Variants in ZNF648 observed in about 807,000 individuals in gnomAD.
ZNF648 encodes the protein zinc finger protein 648.
A neutral mutation model predicts 0.3 loss-of-function variants in ZNF648; 1 was observed. The ratio of observed to expected loss-of-function variants is 3.90; its 90% CI spans 1.39 to 18.51. The LOEUF is 18.51. Ranked by LOEUF, ZNF648 falls within the 30% of genes most tolerant of loss-of-function variation. The pLI is 0.11. For missense variants in ZNF648, 874 were observed against 769.7 expected (o/e 1.14, Z -1.60); for synonymous variants, 376 against 326.8 (o/e 1.15, Z -1.62).
At chr1:182,061,032 C>T (rs77719588) in intron 1 of ZNF648, among the ~76,000 whole-genome samples, 2,168 of 152,292 alleles carry the variant, frequency 0.014, 57 homozygotes, top group African/African-American at 0.049. Context: ...CTCTCCAGAG[C>T]CCGTCAGGAG....
At chr1:182,068,884 C>G in the ZNF648 span, among the ~76,000 whole-genome samples, 28 of 135,544 alleles carry the variant, frequency 2.1e-4, no homozygotes, top group Non-Finnish European at 4.0e-4. Context: ...CCACTGCACT[C>G]CAGGCTGGGC....
In ZNF648 at chr1:182,057,620, C is replaced by T. The variant is rs771153275; in HGVS notation, c.391G>A (p.Ala131Thr). The T allele has an allele frequency of 2.5e-6, 4 of 1,614,190 alleles. No individual in the cohort carries two copies. Among genetic ancestry groups the T allele is most frequent in the Non-Finnish European group, 3.4e-6 (4 of 1,180,034 alleles). ...RALGSLPSGL[A>T]HKLLGQMQPL... Reference sequence around the variant, plus strand: ...TGCATCTGACCTAACAATTTGTGTGCGAGACCACTGGGAAGGGAACCCAGA... The same window carrying T: ...TGCATCTGACCTAACAATTTGTGTGTGAGACCACTGGGAAGGGAACCCAGA... The change falls in exon 2 of 2, where the codon GCA becomes ACA. Residue 131 changes from alanine to threonine, a missense_variant. Transcript: ENST00000339948.
rs1292967174 is a variant in ZNF648, at chr1:182,056,336, T to C, written c.1675A>G (p.Lys559Glu). 10 of 1,613,652 alleles carry C rather than the reference T, an allele frequency of 6.2e-6. No homozygotes were observed. Among genetic ancestry groups the C allele is most frequent in the East Asian group, 2.2e-5 (1 of 44,858 alleles). Residue 559 changes from lysine (K) to glutamate (E), a missense_variant, in exon 2 of 2, where the codon AAG (lysine) becomes GAG (glutamate). Physicochemically the swap from Lys to Glu is moderately conservative, Grantham distance 56. Coordinates refer to ENST00000339948, the MANE Select transcript of ZNF648 (RefSeq NM_001009992.1). ...RHRAKHGTCK[K>E]EPIPSSSDE Reference sequence around the variant, plus strand: ...TCAGAGGAGGAAGGGATGGGCTCCTTCTTGCAGGTGCCGTGCTTGGCTCGG... The same window carrying C: ...TCAGAGGAGGAAGGGATGGGCTCCTCCTTGCAGGTGCCGTGCTTGGCTCGG...
upstream of ZNF648, among the ~76,000 whole-genome samples, chr1:182,066,590 C>T (rs1478261693): frequency 2.0e-5 from 3 of 152,180 alleles, no homozygotes. Context: ...CAGAATTGGA[C>T]AGGAACTCAG....
Position 182,055,583 on chromosome 1 carries a change from A to G in ZNF648, c.*721T>C, listed in dbSNP as rs1221141439. 1.3e-5 allele frequency: 2 copies of G among 152,228 alleles called. No homozygotes were observed. The highest frequency in any genetic ancestry group is 1.5e-5 in the Non-Finnish European group (1 of 68,046). 9.4% of individuals were successfully genotyped at this position (152,228 alleles called of 1,614,324 possible). On this transcript the variant is annotated 3_prime_UTR_variant, in exon 2 of 2. Coordinates refer to ENST00000339948, the MANE Select transcript of ZNF648 (RefSeq NM_001009992.1). The surrounding 1 kb of genome is among the most constrained non-coding windows in gnomAD (Gnocchi z 4.1). ...TTAGATCTACTTACTAAATTCCACTATAAAGAGGAATGGGCTTCTTTTTCA... is the reference window on the plus strand; with the variant it reads ...TTAGATCTACTTACTAAATTCCACTGTAAAGAGGAATGGGCTTCTTTTTCA...
Position 182,056,946 on chromosome 1 carries a change from G to T in ZNF648, c.1065C>A (p.Arg355=), listed in dbSNP as rs756661051. 9 of 1,613,010 alleles carry T rather than the reference G, an allele frequency of 5.6e-6. No individual in the cohort carries two copies. Among genetic ancestry groups the T allele is most frequent in the Non-Finnish European group, 7.6e-6 (9 of 1,179,578 alleles). The change falls in exon 2 of 2, where the codon CGC becomes CGA. Residue 355 remains arginine (R), a synonymous_variant. Transcript: ENST00000339948. Reference sequence around the variant, plus strand: ...AGGGCTTATTGTTGCTGTGCATGTTGCGCTGGTGTTTGCGCAGGTCCGAAG... The same window carrying T: ...AGGGCTTATTGTTGCTGTGCATGTTTCGCTGGTGTTTGCGCAGGTCCGAAG... ...VRSSDLRKHQ[R]NMHSNNKPFP... is the part of the protein sequence containing the mutation.
chr1:182,068,107 C>T, the ZNF648 span, among the ~76,000 whole-genome samples: 9 of 152,182 alleles, frequency 5.9e-5, no homozygotes, highest in Non-Finnish European at 1.2e-4. Context: ...GAAAAAGAAC[C>T]CTCTGATCTC....
the ZNF648 span, among the ~76,000 whole-genome samples, chr1:182,067,730 G>A: frequency 5.3e-5 from 8 of 152,238 alleles, no homozygotes; most frequent in African/African-American, 1.7e-4. Context: ...CCCAGGCCGA[G>A]GGAGCATAAG....
chr1:182,067,860 C>T, the ZNF648 span, among the ~76,000 whole-genome samples: 1 of 152,230 alleles, frequency 6.6e-6, no homozygotes, highest in Non-Finnish European at 1.5e-5. Context: ...TCTTGGCCCA[C>T]ACTGACTACC....
upstream of ZNF648, chr1:182,064,731 T>G (rs1571282589): frequency 6.6e-6 from 1 of 151,608 alleles, no homozygotes; most frequent in East Asian, 1.9e-4. Flanking sequence ...ATGGGGAGAG[T>G]AGGTGAACAC....
chr1:182,057,001 C>G lies in ZNF648; in HGVS notation c.1010G>C (p.Cys337Ser). Residue 337 changes from cysteine (C) to serine (S), a missense_variant, in exon 2 of 2, where the codon TGT (cysteine) becomes TCT (serine). Physicochemically the swap from Cys to Ser is moderately radical, Grantham distance 112 (BLOSUM62 -1). Coordinates refer to ENST00000339948, the MANE Select transcript of ZNF648 (RefSeq NM_001009992.1). ...CACGAAGGCCTTCCCGCAGTCTGGA[C>G]ACGGGTAGGGTTTCTCGCCTGTGTG... ...RTHTGEKPYP[C>S]PDCGKAFVRS... 1 of 1,613,754 alleles carries G rather than the reference C, an allele frequency of 6.2e-7. No individual in the cohort carries two copies. Among genetic ancestry groups the G allele is most frequent in the Non-Finnish European group, 8.5e-7 (1 of 1,179,962 alleles).
At chr1:182,068,002 C>T in the ZNF648 span, among the ~76,000 whole-genome samples, 596 of 152,292 alleles carry the variant, frequency 3.9e-3, 6 homozygotes, top group African/African-American at 0.013. Context: ...CTTAGGTTTA[C>T]GTTCTGACTT....
chr1:182,057,047 G>A lies in ZNF648; in HGVS notation c.964C>T (p.His322Tyr), dbSNP rs774162651. 6.2e-7 allele frequency: 1 copy of A among 1,613,488 alleles called. No homozygotes were observed. The highest frequency in any genetic ancestry group is 8.5e-7 in the Non-Finnish European group (1 of 1,179,964). The change falls in exon 2 of 2, where the codon CAC becomes TAC. Residue 322 changes from histidine to tyrosine, a missense_variant. Transcript: ENST00000339948. ...CDKAYTWSSD[H>Y]RKHIRTHTGE... ...GTGTGGGTGCGGATGTGCTTCCGGT[G>A]GTCGGAGGACCAGGTGTAGGCCTTG...
intron 1 of ZNF648, among the ~76,000 whole-genome samples, chr1:182,059,790 C>T (rs921351384): frequency 8.8e-5 from 10 of 113,400 alleles, no homozygotes; most frequent in African/African-American, 2.8e-4. Flanking sequence ...GGTGACAGAG[C>T]GAGACTACAT....
At chr1:182,058,139 G>A (rs1031815575) in intron 1 of ZNF648, 66 bp from the exon 2 acceptor site, 1 of 1,150,488 alleles carries the variant, frequency 8.7e-7, no homozygotes, top group Non-Finnish European at 1.2e-6. Flanking sequence ...ATGAGCAGAG[G>A]GACTGAGGTT....
At chr1:182,067,229 T>C in the ZNF648 span, among the ~76,000 whole-genome samples, 2 of 152,214 alleles carry the variant, frequency 1.3e-5, no homozygotes, top group Non-Finnish European at 2.9e-5. Context: ...GACTGCACAG[T>C]GTAGTGATGG....
At chr1:182,060,959 C>T (rs796100186) in intron 1 of ZNF648, among the ~76,000 whole-genome samples, 4 of 152,284 alleles carry the variant, frequency 2.6e-5, no homozygotes, top group African/African-American at 9.6e-5. Context: ...TCATTCTTTT[C>T]CTCTGGGCCA....
chr1:182,057,377 C>G lies in ZNF648; in HGVS notation c.634G>C (p.Ala212Pro), dbSNP rs140040295. 1 of 1,612,876 alleles carries G rather than the reference C, an allele frequency of 6.2e-7. No individual in the cohort carries two copies. Among genetic ancestry groups the G allele is most frequent in the Non-Finnish European group, 8.5e-7 (1 of 1,179,970 alleles). ...PTQETHTPAQ[A>P]SATPASLAAA... Reference sequence around the variant, plus strand: ...GCCAGGCTGGCTGGGGTGGCCGACGCCTGGGCTGGTGTATGTGTCTCTTGC... The same window carrying G: ...GCCAGGCTGGCTGGGGTGGCCGACGGCTGGGCTGGTGTATGTGTCTCTTGC... Residue 212 changes from alanine (A) to proline (P), a missense_variant, in exon 2 of 2, where the codon GCG becomes CCG. By Grantham distance (27) the Ala-to-Pro change is conservative. Coordinates refer to ENST00000339948, the MANE Select transcript of ZNF648 (RefSeq NM_001009992.1).
Position 182,057,291 on chromosome 1 carries a change from G to A in ZNF648, c.720C>T (p.Arg240=). 6.3e-7 allele frequency: 1 copy of A among 1,596,878 alleles called. No individual in the cohort carries two copies. The highest frequency in any genetic ancestry group is 8.5e-7 in the Non-Finnish European group (1 of 1,176,402). The change falls in exon 2 of 2, where the codon CGC becomes CGT. Residue 240 remains arginine, a synonymous_variant. Coordinates refer to ENST00000339948, the MANE Select transcript of ZNF648 (RefSeq NM_001009992.1). ...SRKVQNQAGR[R]EGGEAEARPY... is the part of the protein sequence containing the mutation. ...GACGCGCCTCAGCCTCTCCGCCCTC[G>A]CGCCGGCCCGCCTGGTTCTGTACTT...
Sources: gnomAD v4.1 joint callset for allele counts (sites outside exome capture counted in the v4.1 genomes callset) on GRCh38, gnomAD v4.1.1 for gene constraint, Gnocchi (gnomAD v3.1) non-coding constraint, MANE v1.5 for transcripts, NCBI Gene and HGNC (gene_info 2026-07-23, HGNC 2026-07-21) for gene names.